Variants in DLG2 observed in about 807,000 individuals in gnomAD.
DLG2 encodes discs large MAGUK scaffold protein 2, also known as disks large homolog 2.
DLG2 carries 45 observed loss-of-function variants against 132.5 expected under a neutral mutation model. The observed-to-expected ratio is 0.34, with a 90% CI of 0.27 to 0.44. The LOEUF (loss-of-function observed/expected upper bound fraction) is 0.44. Among genes scored for constraint, DLG2 ranks in the 20% least tolerant of loss-of-function variants. DLG2 has a pLI of 1.00. For synonymous variants in DLG2, 424 were observed against 419.6 expected, an observed-to-expected ratio of 1.01 and a Z score of -0.13; for missense variants, 1,045 against 1,196.9, an observed-to-expected ratio of 0.87 and a Z score of 1.87.
chr11:84,022,455 C>A (rs2095422092), intron 11 of DLG2, among the ~76,000 whole-genome samples: 1 of 152,130 alleles, frequency 6.6e-6, no homozygotes, highest in East Asian at 1.9e-4. Context: ...GTGTTGCACA[C>A]AAAAGCTTTT....
At chr11:84,793,905 C>T (rs185735274) in intron 6 of DLG2, among the ~76,000 whole-genome samples, 6 of 152,280 alleles carry the variant, frequency 3.9e-5, no homozygotes, top group African/African-American at 1.4e-4. Context: ...GATGTTATTA[C>T]TGATGAGCAA....
rs139687900 is a variant in DLG2, at chr11:85,623,342, G to C, written c.-93+3245C>G. On this transcript the variant is annotated intron_variant, in intron 2 of 27. Coordinates refer to ENST00000376104, the MANE Select transcript of DLG2 (RefSeq NM_001142699.3). ...TTTTTTTGAGACGAAGTCTCTCTCTGTCGCCAAGTTGGAGTGCAGCGGCAC... is the reference window on the plus strand; with the variant it reads ...TTTTTTTGAGACGAAGTCTCTCTCTCTCGCCAAGTTGGAGTGCAGCGGCAC... 6.5e-3 allele frequency among the ~76,000 whole-genome samples: 976 copies of C among 151,264 alleles called. 9 individuals carry two copies. The highest frequency in any genetic ancestry group is 0.023 in the African/African-American group (950 of 41,216).
rs1256136576 is a variant in DLG2, at chr11:85,135,544, G to C, written c.282+19012C>G. Among the ~76,000 whole-genome samples, 2 of 152,180 alleles carry C rather than the reference G, an allele frequency of 1.3e-5. 1 individual carries two copies. Among genetic ancestry groups the C allele is most frequent in the Non-Finnish European group, 2.9e-5 (2 of 68,030 alleles). On this transcript the variant is annotated intron_variant, in intron 5 of 27. Coordinates refer to ENST00000376104, the MANE Select transcript of DLG2 (RefSeq NM_001142699.3). ...CCTGATTAGTCTTCTAACGTTGGTGGATCACAGAGGAAAGCACTTTGTAAA... is the reference window on the plus strand; with the variant it reads ...CCTGATTAGTCTTCTAACGTTGGTGCATCACAGAGGAAAGCACTTTGTAAA...
chr11:84,026,680 A>C (rs1324526210), intron 11 of DLG2, among the ~76,000 whole-genome samples: 1 of 152,148 alleles, frequency 6.6e-6, no homozygotes, highest in African/African-American at 2.4e-5. Context: ...ATAAATGAAC[A>C]CACTTAACCT....
At chr11:84,772,863 A>G (rs2069673530) in intron 6 of DLG2, among the ~76,000 whole-genome samples, 1 of 152,134 alleles carries the variant, frequency 6.6e-6, no homozygotes, top group Non-Finnish European at 1.5e-5. Context: ...AAAGTTAATG[A>G]CCTAATATCA....
intron 11 of DLG2, among the ~76,000 whole-genome samples, chr11:84,003,084 G>T (rs970995387): frequency 1.3e-5 from 2 of 152,058 alleles, no homozygotes; most frequent in African/African-American, 4.8e-5. Flanking sequence ...CAGATTTCTA[G>T]GGCAGGGGCA....
Position 83,846,940 on chromosome 11 carries a change from C to CAAAAAAAAA in DLG2, c.1566-13171_1566-13170insTTTTTTTTT, listed in dbSNP as rs1565319397. The stretch of plus-strand genomic sequence containing the variant: ...TACCTTCTAATCATTATCTCCCAAG[C>CAAAAAAAAA]CAAAAAAAAAAAAAAAAAAAGGATT... On this transcript the variant is annotated intron_variant, in intron 16 of 27. Coordinates refer to ENST00000376104, the MANE Select transcript of DLG2 (RefSeq NM_001142699.3). Among the ~76,000 whole-genome samples the CAAAAAAAAA allele has an allele frequency of 1.7e-4, 10 of 58,142 alleles. 2 individuals are homozygous for CAAAAAAAAA. Among genetic ancestry groups the CAAAAAAAAA allele is most frequent in the Admixed American group, 2.3e-4 (1 of 4,330 alleles). 38.1% of individuals were successfully genotyped at this position (58,142 alleles called of 152,430 possible).
intron 6 of DLG2, among the ~76,000 whole-genome samples, chr11:84,747,622 G>T (rs2065547127): frequency 6.6e-6 from 1 of 152,152 alleles, no homozygotes; most frequent in South Asian, 2.1e-4. Context: ...ACTTGTCCTT[G>T]CACTAAGGTA....
intron 18 of DLG2, among the ~76,000 whole-genome samples, chr11:83,700,326 A>C (rs2082704253): frequency 6.6e-6 from 1 of 152,138 alleles, no homozygotes; most frequent in South Asian, 2.1e-4. Flanking sequence ...AGAGAGGTGG[A>C]GACAAGTTGT....
intron 6 of DLG2, among the ~76,000 whole-genome samples, chr11:84,736,379 C>T (rs2063832581): frequency 6.6e-6 from 1 of 151,436 alleles, no homozygotes; most frequent in African/African-American, 2.4e-5. Context: ...AATTTTCATA[C>T]AATTTTTAGA....
chr11:84,809,708 A>G (rs1013505977), intron 6 of DLG2, among the ~76,000 whole-genome samples: 8 of 152,048 alleles, frequency 5.3e-5, no homozygotes, highest in African/African-American at 1.4e-4. Flanking sequence ...TAAATACTGT[A>G]TATCAAAAAC....
intron 3 of DLG2, among the ~76,000 whole-genome samples, chr11:85,538,873 A>G (rs965817297): frequency 4.6e-5 from 7 of 151,846 alleles, no homozygotes; most frequent in African/African-American, 9.7e-5. Context: ...ATCAGGATAA[A>G]TAGCTAATGC....
intron 6 of DLG2, among the ~76,000 whole-genome samples, chr11:84,612,465 T>C (rs1203433893): frequency 6.6e-6 from 1 of 152,156 alleles, no homozygotes; most frequent in Admixed American, 6.6e-5. Flanking sequence ...GTGGAATGAC[T>C]AAGTTGTTTA....
Position 83,618,342 on chromosome 11 carries a change from G to C in DLG2, c.1940+14869C>G, listed in dbSNP as rs1786687868. Among the ~76,000 whole-genome samples the C allele has an allele frequency of 3.3e-5, 5 of 152,178 alleles. No individual in the cohort carries two copies. The South Asian group carries it at 1.0e-3, about 32-fold the overall frequency. ...TATGTTTAATTTGATGTTTATGAGA[G>C]AGATTGGAGTATAAATTTCCTTTCT... On this transcript the variant is annotated intron_variant, in intron 19 of 27. Transcript: ENST00000376104.
At chr11:83,702,772 G>A (rs1212711660) in intron 18 of DLG2, among the ~76,000 whole-genome samples, 2 of 152,152 alleles carry the variant, frequency 1.3e-5, no homozygotes, top group African/African-American at 4.8e-5. Flanking sequence ...GCTAACCAAA[G>A]CACTTTCTTT....
intron 6 of DLG2, among the ~76,000 whole-genome samples, chr11:84,962,165 C>T (rs2052672831): frequency 6.6e-6 from 1 of 152,234 alleles, no homozygotes; most frequent in African/African-American, 2.4e-5. Context: ...CAATCCTTAA[C>T]TACCATTTAC....
At chr11:83,910,445 C>T (rs915197689) in intron 15 of DLG2, among the ~76,000 whole-genome samples, 1 of 152,050 alleles carries the variant, frequency 6.6e-6, no homozygotes, top group Non-Finnish European at 1.5e-5. Context: ...AATGAACGGT[C>T]CTGGAAGCAC....
chr11:85,159,848 G>C (rs1039821728), intron 4 of DLG2, among the ~76,000 whole-genome samples: 5 of 152,138 alleles, frequency 3.3e-5, no homozygotes, highest in African/African-American at 1.2e-4. Context: ...ATCTTATTTG[G>C]AGAGAACTTG....
At chr11:84,343,250 A>G (rs186137773) in intron 7 of DLG2, among the ~76,000 whole-genome samples, 60 of 152,298 alleles carry the variant, frequency 3.9e-4, no homozygotes, top group Admixed American at 6.5e-4. Flanking sequence ...ATCACACTGA[A>G]TTCTTGCCCA....
Sources: gnomAD v4.1 joint callset for allele counts (sites outside exome capture counted in the v4.1 genomes callset) on GRCh38, gnomAD v4.1.1 for gene constraint, MANE v1.5 for transcripts, NCBI Gene and HGNC (gene_info 2026-07-23, HGNC 2026-07-21) for gene names.